KCNH7: variants seen among roughly 807,000 people sequenced by gnomAD.
The protein encoded by KCNH7 is voltage-gated inwardly rectifying potassium channel KCNH7.
KCNH7 carries 49 observed loss-of-function variants against 120.8 expected under a neutral mutation model. The ratio of observed to expected loss-of-function variants is 0.41; its 90% CI spans 0.32 to 0.51. The LOEUF (loss-of-function observed/expected upper bound fraction) is 0.51, where lower values mean the gene tolerates loss of function less well. Among genes scored for constraint, KCNH7 ranks in the 20% least tolerant of loss-of-function variants. The probability of loss-of-function intolerance (pLI) is 0.38; values close to 1 mark genes in which losing one functional copy is unlikely to be tolerated. For missense variants in KCNH7, 1,097 were observed against 1,446.6 expected, an observed-to-expected ratio of 0.76 and a Z score of 3.92; for synonymous variants, 547 against 516.1, an observed-to-expected ratio of 1.06 and a Z score of -0.81.
chr2:162,737,363 C>A (rs764087387), intron 2 of KCNH7, among the ~76,000 whole-genome samples: 1 of 151,896 alleles, frequency 6.6e-6, no homozygotes, highest in East Asian at 1.9e-4. Context: ...CCAGAAGGAG[C>A]CTTGTGTTTT....
intron 2 of KCNH7, among the ~76,000 whole-genome samples, chr2:162,752,921 A>AAGAAAAGAAAAG (rs1688621404): frequency 2.9e-5 from 2 of 67,832 alleles, no homozygotes; most frequent in African/African-American, 1.9e-4. Flanking sequence ...AAGAAAAGAA[A>AAGAAAAGAAAAG]AGAAAAGAAA....
chr2:162,556,252 G>T (rs1418928359), intron 2 of KCNH7, among the ~76,000 whole-genome samples: 1 of 151,960 alleles, frequency 6.6e-6, no homozygotes, highest in African/African-American at 2.4e-5. Flanking sequence ...TATATTCCAG[G>T]CTCTGTTCTA....
At chr2:162,805,534 T>C (rs1456198355) in intron 2 of KCNH7, among the ~76,000 whole-genome samples, 1 of 152,134 alleles carries the variant, frequency 6.6e-6, no homozygotes, top group East Asian at 1.9e-4. Flanking sequence ...CACAATGAGA[T>C]ACCACCTTCC....
At chr2:162,758,194 C>T (rs1559119109) in intron 2 of KCNH7, among the ~76,000 whole-genome samples, 1 of 152,144 alleles carries the variant, frequency 6.6e-6, no homozygotes, top group South Asian at 2.1e-4. Context: ...AAAGATGAGA[C>T]CTAGACCTTG....
chr2:162,730,632 A>C (rs947031680), intron 2 of KCNH7, among the ~76,000 whole-genome samples: 2 of 152,060 alleles, frequency 1.3e-5, no homozygotes, highest in East Asian at 1.9e-4. Flanking sequence ...CTGGCCAATA[A>C]TACTCATGTG....
chr2:162,720,299 T>TAAAA (rs59618789), intron 2 of KCNH7, among the ~76,000 whole-genome samples: 7 of 97,916 alleles, frequency 7.1e-5, no homozygotes, highest in East Asian at 5.3e-4. Context: ...GATGTGTGAT[T>TAAAA]AAAAAAAAAA....
At chr2:162,642,944 A>C (rs1446599766) in intron 2 of KCNH7, among the ~76,000 whole-genome samples, 2 of 152,218 alleles carry the variant, frequency 1.3e-5, no homozygotes, top group African/African-American at 4.8e-5. Context: ...AATTATGGGC[A>C]CTAGGGGAAA....
intron 2 of KCNH7, among the ~76,000 whole-genome samples, chr2:162,811,564 A>G (rs1045864432): frequency 6.6e-6 from 1 of 152,164 alleles, no homozygotes; most frequent in Non-Finnish European, 1.5e-5. Flanking sequence ...TCGGAAACTA[A>G]GTTATTTTTG....
chr2:162,681,324 A>G (rs1685702880), intron 2 of KCNH7, among the ~76,000 whole-genome samples: 1 of 151,696 alleles, frequency 6.6e-6, no homozygotes. Flanking sequence ...TTCCTGGGTG[A>G]CCTTTAGGAA....
chr2:162,451,654 G>A (rs1301717226), intron 6 of KCNH7, among the ~76,000 whole-genome samples: 3 of 151,990 alleles, frequency 2.0e-5, no homozygotes, highest in Non-Finnish European at 2.9e-5. Flanking sequence ...GGAAGGCTGG[G>A]CTCACCCAAG....
intron 2 of KCNH7, among the ~76,000 whole-genome samples, chr2:162,597,379 C>A (rs189711781): frequency 6.6e-6 from 1 of 152,158 alleles, no homozygotes; most frequent in Admixed American, 6.6e-5. Context: ...AAAATTCTGT[C>A]ATTTGTGACA....
chr2:162,566,659 C>G (rs1274223178), intron 2 of KCNH7, among the ~76,000 whole-genome samples: 2 of 151,878 alleles, frequency 1.3e-5, no homozygotes, highest in Non-Finnish European at 2.9e-5. Context: ...CAGTAAAGAC[C>G]AGGTAGTTTT....
chr2:162,692,193 T>G (rs1424496089), intron 2 of KCNH7, among the ~76,000 whole-genome samples: 1 of 150,732 alleles, frequency 6.6e-6, no homozygotes, highest in East Asian at 2.0e-4. Flanking sequence ...TAGTGTGATC[T>G]CGGCTCACTG....
chr2:162,745,891 G>T (rs1032683270), intron 2 of KCNH7, among the ~76,000 whole-genome samples: 1 of 151,642 alleles, frequency 6.6e-6, no homozygotes, highest in Non-Finnish European at 1.5e-5. Context: ...GTATTAAGGA[G>T]CACTTCAGTG....
chr2:162,681,364 C>T (rs1685704115), intron 2 of KCNH7, among the ~76,000 whole-genome samples: 1 of 151,620 alleles, frequency 6.6e-6, no homozygotes, highest in Non-Finnish European at 1.5e-5. Context: ...TGAATTGAGG[C>T]ACAAGGGAAA....
intron 6 of KCNH7, among the ~76,000 whole-genome samples, chr2:162,500,220 TATATA>T (rs1690632137): frequency 6.8e-6 from 1 of 147,932 alleles, no homozygotes; most frequent in Admixed American, 6.8e-5. Context: ...TACAATATAA[TATATA>T]ATATGTATGT....
intron 2 of KCNH7, among the ~76,000 whole-genome samples, chr2:162,761,043 A>C (rs548607122): frequency 6.6e-6 from 1 of 152,250 alleles, no homozygotes; most frequent in East Asian, 1.9e-4. Flanking sequence ...AGGTGGATAC[A>C]TTACAGCAAA....
chr2:162,783,368 A>T (rs2105500000), intron 2 of KCNH7, among the ~76,000 whole-genome samples: 1 of 152,302 alleles, frequency 6.6e-6, no homozygotes, highest in African/African-American at 2.4e-5. Context: ...CATTTGCAGA[A>T]AAACATCCAT....
chr2:162,655,298 G>A lies in KCNH7; in HGVS notation c.308-118218C>T, dbSNP rs139069520. 1.4e-3 allele frequency among the ~76,000 whole-genome samples: 212 copies of A among 152,038 alleles called. 2 individuals are homozygous for A. The highest frequency in any genetic ancestry group is 4.8e-3 in the African/African-American group (197 of 41,444). On this transcript the variant is annotated intron_variant, in intron 2 of 15. Transcript: ENST00000332142. ...AAAAAATAAATTGATCAATTAAAAA[G>A]TTTATTATTCCTCTTTTCAATGTAA...
Sources: allele counts gnomAD v4.1 joint callset (sites outside exome capture counted in the v4.1 genomes callset), GRCh38; gene constraint gnomAD v4.1.1; transcripts MANE v1.5; gene names NCBI Gene and HGNC (gene_info 2026-07-23, HGNC 2026-07-21).